CNTN6: variants seen among roughly 807,000 people sequenced by gnomAD.
The protein encoded by CNTN6 is contactin-6.
Under a neutral mutation model 122.8 loss-of-function variants are expected in CNTN6, and 137 were observed. That is an observed-to-expected ratio of 1.12 (90% confidence interval 0.97 to 1.29). The LOEUF (loss-of-function observed/expected upper bound fraction) is 1.29, where lower values mean the gene tolerates loss of function less well. Ranked by LOEUF, CNTN6 falls within the 50% of genes most tolerant of loss-of-function variation. The probability of loss-of-function intolerance (pLI) is 0.00; values close to 1 mark genes in which losing one functional copy is unlikely to be tolerated. For missense variants in CNTN6, 1,634 were observed against 1,223.4 expected (o/e 1.34, Z -5.01); for synonymous variants, 570 against 426.0 (o/e 1.34, Z -4.16).
intron 4 of CNTN6, among the ~76,000 whole-genome samples, chr3:1,237,110 A>C (rs1461914586): frequency 6.6e-6 from 1 of 151,998 alleles, no homozygotes; most frequent in African/African-American, 2.4e-5. Flanking sequence ...CCACCAAAAA[A>C]AGGTGAAGTC....
chr3:1,294,471 A>G (rs908155116), intron 5 of CNTN6, among the ~76,000 whole-genome samples: 1 of 152,184 alleles, frequency 6.6e-6, no homozygotes, highest in African/African-American at 2.4e-5. Flanking sequence ...AAGACCTGGA[A>G]ATCTTCCTCA....
At chr3:1,292,510 A>T (rs1308756116) in intron 5 of CNTN6, among the ~76,000 whole-genome samples, 1 of 152,188 alleles carries the variant, frequency 6.6e-6, no homozygotes, top group African/African-American at 2.4e-5. Flanking sequence ...GCTCAGATAG[A>T]ATAAATAAAA....
chr3:1,300,545 G>T (rs1697107970), intron 7 of CNTN6, among the ~76,000 whole-genome samples: 1 of 126,510 alleles, frequency 7.9e-6, no homozygotes, highest in African/African-American at 2.7e-5. Flanking sequence ...GAGAGAGAAA[G>T]AAAGAGAAAG....
chr3:1,121,690 T>C (rs1186829075), intron 1 of CNTN6, among the ~76,000 whole-genome samples: 4 of 151,910 alleles, frequency 2.6e-5, no homozygotes, highest in African/African-American at 9.7e-5. Context: ...ATATTTTTCA[T>C]GTTGCTACAC....
chr3:1,374,140 G>A (rs1013565468), intron 16 of CNTN6, 67 bp downstream of exon 16: 24 of 1,356,406 alleles, frequency 1.8e-5, no homozygotes, highest in Non-Finnish European at 5.0e-6. Flanking sequence ...AACAAAACAA[G>A]TATTTTTATG....
rs781462966 is a variant in CNTN6 at position 1,156,680 on chromosome 3, TTTCC to T, written c.55+8618_55+8621del. Among the ~76,000 whole-genome samples, 266 of 86,106 alleles carry T rather than the reference TTTCC, an allele frequency of 3.1e-3. 3 individuals carry two copies. The highest frequency in any genetic ancestry group is 1.8e-3 in the Non-Finnish European group (93 of 51,834). 56.5% of individuals were successfully genotyped at this position (86,106 alleles called of 152,430 possible). A position where few individuals can be genotyped will look rare whatever the true frequency, so the allele number is the denominator to read the frequency against. ...CTCTTTCCCTTCCTTCCTTCCTTCC[TTTCC>T]CTCCCTCCCTTCCTTCCTTCCTTCC... On this transcript the variant is annotated intron_variant, in intron 2 of 22. Transcript: ENST00000446702.
At chr3:1,224,221 C>T (rs1057361570) in intron 3 of CNTN6, among the ~76,000 whole-genome samples, 2 of 152,016 alleles carry the variant, frequency 1.3e-5, no homozygotes, top group Non-Finnish European at 2.9e-5. Context: ...AGAATCAACT[C>T]ATAGAAGTAG....
At chr3:1,392,195 T>G (rs1251007145) in intron 20 of CNTN6, among the ~76,000 whole-genome samples, 1 of 152,290 alleles carries the variant, frequency 6.6e-6, no homozygotes, top group Non-Finnish European at 1.5e-5. Flanking sequence ...ATGGTACTGG[T>G]ACCAAAACAG....
chr3:1,334,453 T>TTAA (rs1270490982), intron 11 of CNTN6, among the ~76,000 whole-genome samples: 2 of 151,844 alleles, frequency 1.3e-5, no homozygotes, highest in Non-Finnish European at 2.9e-5. Context: ...CTTTAGGAAA[T>TTAA]ATTAAACACT....
At chr3:1,214,713 G>T (rs768728902) in intron 2 of CNTN6, among the ~76,000 whole-genome samples, 1 of 152,070 alleles carries the variant, frequency 6.6e-6, no homozygotes, top group African/African-American at 2.4e-5. Context: ...GTATAAAATG[G>T]TACTGTTTAA....
chr3:1,337,190 A>G (rs928747332), intron 11 of CNTN6, among the ~76,000 whole-genome samples: 4 of 152,140 alleles, frequency 2.6e-5, no homozygotes, highest in Admixed American at 1.3e-4. Context: ...TTACACAGCC[A>G]TTGCCCAATA....
intron 4 of CNTN6, among the ~76,000 whole-genome samples, chr3:1,273,791 A>G (rs1477086210): frequency 6.6e-6 from 1 of 152,214 alleles, no homozygotes; most frequent in African/African-American, 2.4e-5. Flanking sequence ...GTAATCATAA[A>G]AGGCACAGAG....
intron 12 of CNTN6, among the ~76,000 whole-genome samples, chr3:1,366,585 G>A (rs1708248709): frequency 6.6e-6 from 1 of 152,108 alleles, no homozygotes; most frequent in African/African-American, 2.4e-5. Context: ...AGCATGAACA[G>A]TTTTGCATAT....
chr3:1,316,077 TCAAA>T (rs1282074529), intron 7 of CNTN6, among the ~76,000 whole-genome samples: 1 of 151,980 alleles, frequency 6.6e-6, no homozygotes, highest in Admixed American at 6.6e-5. Flanking sequence ...AATTGAACAC[TCAAA>T]CATATTGTTT....
chr3:1,273,325 T>C (rs1412028636), intron 4 of CNTN6, among the ~76,000 whole-genome samples: 1 of 152,192 alleles, frequency 6.6e-6, no homozygotes, highest in Non-Finnish European at 1.5e-5. Flanking sequence ...CAATTTTCTT[T>C]TAAGCAAAAA....
At chr3:1,337,673 G>T (rs527989960) in intron 11 of CNTN6, among the ~76,000 whole-genome samples, 1 of 152,160 alleles carries the variant, frequency 6.6e-6, no homozygotes, top group South Asian at 2.1e-4. Context: ...ATAATGCCAG[G>T]CTTATTACAA....
In CNTN6 at chr3:1,326,047, T is replaced by C. The variant is rs562132411; in HGVS notation, c.1083+96T>C. The C allele has an allele frequency of 1.2e-4, 123 of 1,059,090 alleles. 1 individual carries two copies. The South Asian group carries it at 1.9e-3, about 16-fold the overall frequency. The allele number at this position is 1,059,090 out of a possible 1,614,324, so 65.6% of individuals were successfully genotyped here. A position where few individuals can be genotyped will look rare whatever the true frequency, so the allele number is the denominator to read the frequency against. Reference sequence around the variant, plus strand: ...AACTAACAGAAACAGCTAATGTTAATGGAGTCTTTGGTATGTTCCAGGAAA... The same window carrying C: ...AACTAACAGAAACAGCTAATGTTAACGGAGTCTTTGGTATGTTCCAGGAAA... On this transcript the variant is annotated intron_variant, in intron 9 of 22. Transcript: ENST00000446702.
intron 5 of CNTN6, among the ~76,000 whole-genome samples, chr3:1,282,247 A>T (rs1481014339): frequency 1.3e-5 from 2 of 148,202 alleles, no homozygotes; most frequent in Non-Finnish European, 1.5e-5. Flanking sequence ...ACTCCAGCAT[A>T]GGCCTTCTGT....
intron 12 of CNTN6, among the ~76,000 whole-genome samples, chr3:1,365,524 T>G (rs1026844139): frequency 1.3e-5 from 2 of 152,032 alleles, no homozygotes; most frequent in African/African-American, 4.8e-5. Flanking sequence ...TTTCCGGACA[T>G]TGTTTCTCAG....
Sources: gnomAD v4.1 joint callset for allele counts (sites outside exome capture counted in the v4.1 genomes callset) on GRCh38, gnomAD v4.1.1 for gene constraint, MANE v1.5 for transcripts, NCBI Gene and HGNC (gene_info 2026-07-23, HGNC 2026-07-21) for gene names.